Variants in AFF1 observed in about 807,000 individuals in gnomAD.
The protein encoded by AFF1 is AF4/FMR2 family member 1.
A neutral mutation model predicts 121.7 loss-of-function variants in AFF1; 48 were observed. The ratio of observed to expected loss-of-function variants is 0.39; its 90% CI spans 0.31 to 0.50. The LOEUF is 0.50. Among genes scored for constraint, AFF1 ranks in the 20% least tolerant of loss-of-function variants. The probability of loss-of-function intolerance (pLI) is 0.76; values close to 1 mark genes in which losing one functional copy is unlikely to be tolerated. For synonymous variants in AFF1, 613 were observed against 563.0 expected, an observed-to-expected ratio of 1.09 and a Z score of -1.26; for missense variants, 1,523 against 1,511.7, an observed-to-expected ratio of 1.01 and a Z score of -0.12.
chr4:87,056,629 T>C (rs1208136044), intron 4 of AFF1, among the ~76,000 whole-genome samples: 1 of 152,236 alleles, frequency 6.6e-6, no homozygotes, highest in African/African-American at 2.4e-5. Flanking sequence ...ACTTTGTTTC[T>C]TTGTCATAGA....
chr4:86,991,130 ACT>A lies in AFF1; in HGVS notation c.38+42562_38+42563del, dbSNP rs544338797. ...TCGTGCCATTGCACTCCAGAGCAAG[ACT>A]CTGTCTCAAAACAAAAAACAAAACA... On this transcript the variant is annotated intron_variant, in intron 2 of 20. Coordinates refer to ENST00000395146, the MANE Select transcript of AFF1 (RefSeq NM_001166693.3). 5.0e-4 allele frequency among the ~76,000 whole-genome samples: 72 copies of A among 144,972 alleles called. 1 individual carries two copies. In the South Asian group the frequency reaches 0.015, roughly 29 times the overall value.
intron 5 of AFF1, 127 bp from the exon 6 acceptor site, chr4:87,089,857 A>G: frequency 3.1e-6 from 2 of 647,770 alleles, no homozygotes; most frequent in Non-Finnish European, 5.1e-6. Context: ...TAAGTACATG[A>G]AATAACTTTT....
At chr4:86,971,416 T>C (rs1722938570) in intron 2 of AFF1, among the ~76,000 whole-genome samples, 1 of 152,254 alleles carries the variant, frequency 6.6e-6, no homozygotes. Flanking sequence ...TGAGTCAGTA[T>C]GAGTTAGTGT....
intron 4 of AFF1, among the ~76,000 whole-genome samples, chr4:87,062,465 G>C (rs539507317): frequency 1.1e-3 from 173 of 152,220 alleles, no homozygotes; most frequent in Non-Finnish European, 2.0e-3. Context: ...TCCAACATAG[G>C]AACTTTGGAG....
At chr4:86,990,443 G>A (rs573815939) in intron 2 of AFF1, among the ~76,000 whole-genome samples, 1 of 152,124 alleles carries the variant, frequency 6.6e-6, no homozygotes, top group South Asian at 2.1e-4. Context: ...TGATATCAAA[G>A]CGGTGTGAAG....
chr4:87,064,638 G>A (rs1435642068), intron 4 of AFF1, among the ~76,000 whole-genome samples: 2 of 152,084 alleles, frequency 1.3e-5, no homozygotes, highest in East Asian at 3.9e-4. Context: ...CAGCACTTTG[G>A]GAGGCTGAGG....
intron 2 of AFF1, among the ~76,000 whole-genome samples, chr4:87,016,420 G>A (rs1313726839): frequency 2.0e-5 from 3 of 149,056 alleles, no homozygotes; most frequent in African/African-American, 7.4e-5. Context: ...ACGTGGTGGC[G>A]GGCGCCTGTA....
chr4:87,132,875 G>A (rs994051981), intron 19 of AFF1, among the ~76,000 whole-genome samples: 12 of 152,278 alleles, frequency 7.9e-5, no homozygotes, highest in Non-Finnish European at 1.5e-4. Flanking sequence ...TGTATTTTTA[G>A]TAGAGATGGG....
chr4:86,987,946 CAA>C (rs70953634), intron 2 of AFF1, among the ~76,000 whole-genome samples: 124,843 of 134,880 alleles, frequency 0.93, 57,903 homozygotes, highest in Non-Finnish European at 0.97. Flanking sequence ...GAGTGAGACT[CAA>C]AAAAAAAAAA....
intron 8 of AFF1, among the ~76,000 whole-genome samples, chr4:87,103,771 C>A (rs910966027): frequency 2.5e-4 from 38 of 152,126 alleles, no homozygotes; most frequent in Admixed American, 2.4e-3. Flanking sequence ...AATTTTTAAT[C>A]CTGTGCTCAA....
At chr4:87,055,505 T>C (rs1720027278) in intron 4 of AFF1, among the ~76,000 whole-genome samples, 3 of 152,216 alleles carry the variant, frequency 2.0e-5, no homozygotes, top group Admixed American at 1.3e-4. Flanking sequence ...TGGATGGTTA[T>C]TGGATCCCCC....
intron 2 of AFF1, among the ~76,000 whole-genome samples, chr4:86,952,780 A>T (rs2149456770): frequency 6.8e-6 from 1 of 148,128 alleles, no homozygotes; most frequent in African/African-American, 2.5e-5. Context: ...TCCCGGGTTC[A>T]AGCGTTTCTC....
chr4:86,947,248 G>A (rs750357947), intron 1 of AFF1, among the ~76,000 whole-genome samples: 2 of 152,168 alleles, frequency 1.3e-5, no homozygotes, highest in African/African-American at 4.8e-5. Context: ...GCTAGTGTGA[G>A]TTTAACTAGA....
At chr4:87,110,441 T>TTTTTGTTTTGTTTTGTTTTG (rs70957206) in intron 11 of AFF1, among the ~76,000 whole-genome samples, 21 of 144,040 alleles carry the variant, frequency 1.5e-4, no homozygotes, top group African/African-American at 5.0e-4. Flanking sequence ...TGTTCTGGTT[T>TTTTTGTTTTGTTTTGTTTTG]TTTTGTTTTG....
At chr4:87,056,300 A>G (rs1720135079) in intron 4 of AFF1, among the ~76,000 whole-genome samples, 1 of 152,188 alleles carries the variant, frequency 6.6e-6, no homozygotes, top group East Asian at 1.9e-4. Context: ...CTCATATTGG[A>G]CAGGAATGTG....
chr4:87,115,264 T>C lies in AFF1; in HGVS notation c.2431T>C (p.Ser811Pro), dbSNP rs757247941. The change falls in exon 12 of 21, where the codon TCA becomes CCA. Residue 811 changes from serine to proline, a missense_variant. Physicochemically the swap from Ser to Pro is moderately conservative, Grantham distance 74. Transcript: ENST00000395146. ...GKKHSSEKRS[S>P]DSSSKLAKKR... The stretch of plus-strand genomic sequence containing the variant: ...GAAGCACAGCTCTGAGAAGAGGAGC[T>C]CAGACAGCTCAAGCAAGTTGGCCAA... 2 of 1,611,794 alleles carry C rather than the reference T, an allele frequency of 1.2e-6. No individual in the cohort carries two copies. Among genetic ancestry groups the C allele is most frequent in the African/African-American group, 2.7e-5 (2 of 74,778 alleles).
intron 10 of AFF1, 61 bp downstream of exon 10, chr4:87,105,906 A>T (rs771179151): frequency 1.9e-6 from 3 of 1,581,328 alleles, no homozygotes; most frequent in Admixed American, 3.4e-5. Flanking sequence ...CAAATGGGAA[A>T]AATAAAGCCT....
chr4:87,105,819 G>A lies in AFF1; in HGVS notation c.1350G>A (p.Lys450=). ...EDSDSEQTPE[K]PPSSSAPPSA... is the part of the protein sequence containing the mutation. Reference sequence around the variant, plus strand: ...TTGTGAATGCCTAGACCCCAGAGAAGCCTCCCTCCTCATCTGCACCTCCAA... The same window carrying A: ...TTGTGAATGCCTAGACCCCAGAGAAACCTCCCTCCTCATCTGCACCTCCAA... Residue 450 remains lysine, a synonymous_variant, in exon 10 of 21, where the codon AAG becomes AAA. Coordinates refer to ENST00000395146, the MANE Select transcript of AFF1 (RefSeq NM_001166693.3). The A allele has an allele frequency of 1.2e-6, 2 of 1,614,040 alleles. No individual in the cohort carries two copies. The highest frequency in any genetic ancestry group is 1.1e-5 in the South Asian group (1 of 91,078).
rs57615388 is a variant in AFF1 at position 87,000,605 on chromosome 4, CTG to C, written c.39-45526_39-45525del. On this transcript the variant is annotated intron_variant, in intron 2 of 20. Transcript: ENST00000395146. Reference sequence around the variant, plus strand: ...TAAAACATTTATTAAAAAATAAACTCTGTGTGTGTGTGTGTGTGTGTGTGTGT... The same window carrying C: ...TAAAACATTTATTAAAAAATAAACTCTGTGTGTGTGTGTGTGTGTGTGTGT... Among the ~76,000 whole-genome samples, 911 of 146,478 alleles carry C rather than the reference CTG, an allele frequency of 6.2e-3. 7 individuals carry two copies. Among genetic ancestry groups the C allele is most frequent in the South Asian group, 0.021 (93 of 4,458 alleles).
Sources: gnomAD v4.1 joint callset for allele counts (sites outside exome capture counted in the v4.1 genomes callset) on GRCh38, gnomAD v4.1.1 for gene constraint, MANE v1.5 for transcripts, NCBI Gene and HGNC (gene_info 2026-07-23, HGNC 2026-07-21) for gene names.